RBFOX1: variants seen among roughly 807,000 people sequenced by gnomAD.
The protein encoded by RBFOX1 is RNA binding fox-1 homolog 1.
RBFOX1 carries 8 observed loss-of-function variants against 57.7 expected under a neutral mutation model. The observed-to-expected ratio is 0.14, with a 90% CI of 0.08 to 0.25. The LOEUF is 0.25. RBFOX1 is among the 10% of genes least tolerant of loss of function. RBFOX1 has a pLI of 1.00. For synonymous variants in RBFOX1, 326 were observed against 222.4 expected (o/e 1.47, Z -4.15); for missense variants, 611 against 548.5 (o/e 1.11, Z -1.14).
intron 1 of RBFOX1, among the ~76,000 whole-genome samples, chr16:5,436,020 A>G (rs561231304): frequency 2.0e-5 from 3 of 152,342 alleles, no homozygotes; most frequent in Admixed American, 6.5e-5. Flanking sequence ...GAAGGATTTT[A>G]AAGATTGAAG....
intron 4 of RBFOX1, chr16:7,304,129 G>GGC: frequency 1.2e-6 from 1 of 846,618 alleles, no homozygotes; most frequent in Non-Finnish European, 1.4e-6. Flanking sequence ...CACATCCCCA[G>GGC]GCGGGGAGAG....
At chr16:6,793,282 G>A (rs982449895) in intron 3 of RBFOX1, among the ~76,000 whole-genome samples, 2 of 152,086 alleles carry the variant, frequency 1.3e-5, no homozygotes, top group Non-Finnish European at 2.9e-5. Flanking sequence ...CCCCTGTTAG[G>A]CTTAGATTTT....
chr16:7,059,751 C>T (rs1397599289), intron 4 of RBFOX1, among the ~76,000 whole-genome samples: 1 of 152,166 alleles, frequency 6.6e-6, no homozygotes, highest in Non-Finnish European at 1.5e-5. Flanking sequence ...TTACCTTTCT[C>T]TTCACCCGTT....
chr16:6,098,261 G>A (rs999165489), intron 1 of RBFOX1, among the ~76,000 whole-genome samples: 8 of 152,164 alleles, frequency 5.3e-5, no homozygotes, highest in African/African-American at 1.9e-4. Flanking sequence ...GTGCCAAGGG[G>A]CTGTGACAGG....
intron 2 of RBFOX1, among the ~76,000 whole-genome samples, chr16:5,538,261 C>G (rs903042693): frequency 6.6e-6 from 1 of 152,152 alleles, no homozygotes; most frequent in Non-Finnish European, 1.5e-5. Context: ...TTGAAAAAGT[C>G]AATAAGCCCT....
intron 1 of RBFOX1, among the ~76,000 whole-genome samples, chr16:5,241,428 C>A (rs539968645): frequency 5.8e-4 from 88 of 152,332 alleles, no homozygotes; most frequent in Non-Finnish European, 1.1e-3. Context: ...ACTCCCTCTA[C>A]CTCCCTCTTT....
intron 2 of RBFOX1, among the ~76,000 whole-genome samples, chr16:6,603,520 G>C (rs1408100659): frequency 6.6e-6 from 1 of 152,154 alleles, no homozygotes; most frequent in Non-Finnish European, 1.5e-5. Context: ...GATTCGGAGA[G>C]CTTTAGAAAA....
At chr16:5,483,385 A>G (rs1238503968) in intron 2 of RBFOX1, among the ~76,000 whole-genome samples, 1 of 152,202 alleles carries the variant, frequency 6.6e-6, no homozygotes, top group African/African-American at 2.4e-5. Flanking sequence ...GCTTGCCCCC[A>G]GAGGAAGTAC....
intron 3 of RBFOX1, chr16:6,983,723 G>T (rs1241265575): frequency 6.6e-6 from 1 of 152,442 alleles, no homozygotes; most frequent in Non-Finnish European, 1.5e-5. Context: ...TTGAAGGTCT[G>T]CTCTTCTGCT....
intron 4 of RBFOX1, among the ~76,000 whole-genome samples, chr16:7,425,588 A>G (rs1272404666): frequency 6.6e-6 from 1 of 152,202 alleles, no homozygotes; most frequent in African/African-American, 2.4e-5. Context: ...GAAATTACAT[A>G]GTTTCCTCTT....
intron 3 of RBFOX1, among the ~76,000 whole-genome samples, chr16:6,942,530 T>A (rs1272969093): frequency 6.6e-6 from 1 of 151,910 alleles, no homozygotes; most frequent in African/African-American, 2.4e-5. Flanking sequence ...AGACTATCAG[T>A]TAGAGCATTT....
intron 3 of RBFOX1, among the ~76,000 whole-genome samples, chr16:6,706,903 A>G (rs7199309): frequency 0.059 from 8,960 of 152,038 alleles, 621 homozygotes; most frequent in East Asian, 0.38. Context: ...GTTTTTTGCA[A>G]TATTGCTAGT....
intron 3 of RBFOX1, among the ~76,000 whole-genome samples, chr16:6,840,298 A>C (rs1442166584): frequency 6.6e-6 from 1 of 152,202 alleles, no homozygotes; most frequent in Non-Finnish European, 1.5e-5. Context: ...TGAAAAGGCA[A>C]CTTTAGGGTG....
At chr16:6,928,874 C>T (rs74008464) in intron 3 of RBFOX1, among the ~76,000 whole-genome samples, 5,693 of 152,190 alleles carry the variant, frequency 0.037, 359 homozygotes, top group African/African-American at 0.13. Flanking sequence ...CCATCATCAC[C>T]ACAGAAACTT....
At chr16:6,294,988 G>A (rs1380868777) in intron 1 of RBFOX1, among the ~76,000 whole-genome samples, 8 of 152,014 alleles carry the variant, frequency 5.3e-5, no homozygotes, top group Non-Finnish European at 8.8e-5. Context: ...AATCGGCATA[G>A]GATAGTAATC....
At chr16:5,807,482 G>A (rs2055268517) in intron 3 of RBFOX1, among the ~76,000 whole-genome samples, 1 of 152,146 alleles carries the variant, frequency 6.6e-6, no homozygotes, top group Non-Finnish European at 1.5e-5. Context: ...CTATTAAAAT[G>A]GGTCATTACT....
chr16:5,772,278 C>T (rs781653898), intron 3 of RBFOX1, among the ~76,000 whole-genome samples: 1 of 152,304 alleles, frequency 6.6e-6, no homozygotes, highest in Admixed American at 6.5e-5. Flanking sequence ...TTGTGGAAAA[C>T]AGCCAGACTT....
intron 4 of RBFOX1, among the ~76,000 whole-genome samples, chr16:7,357,661 G>A (rs910746368): frequency 3.9e-5 from 6 of 152,110 alleles, no homozygotes; most frequent in Non-Finnish European, 7.4e-5. Context: ...CTCTTGCGCA[G>A]GACTTTTATT....
chr16:7,449,939 GTC>G (rs2098838603), intron 4 of RBFOX1, among the ~76,000 whole-genome samples: 1 of 152,108 alleles, frequency 6.6e-6, no homozygotes, highest in Admixed American at 6.6e-5. Flanking sequence ...GTGGAGAGTT[GTC>G]TCTCTGACTG....
Sources: allele counts gnomAD v4.1 joint callset (sites outside exome capture counted in the v4.1 genomes callset), GRCh38; gene constraint gnomAD v4.1.1; transcripts MANE v1.5; gene names NCBI Gene and HGNC (gene_info 2026-07-23, HGNC 2026-07-21).